COL3A1: variants seen among roughly 807,000 people sequenced by gnomAD.
COL3A1 encodes collagen alpha-1(III) chain.
A neutral mutation model predicts 200.9 loss-of-function variants in COL3A1; 46 were observed. The ratio of observed to expected loss-of-function variants is 0.23; its 90% CI spans 0.18 to 0.29. The LOEUF (loss-of-function observed/expected upper bound fraction) is 0.29, where lower values mean the gene tolerates loss of function less well. COL3A1 is among the 10% of genes least tolerant of loss of function. The probability of loss-of-function intolerance (pLI) is 1.00; values close to 1 mark genes in which losing one functional copy is unlikely to be tolerated. For missense variants in COL3A1, 1,367 were observed against 1,917.6 expected (o/e 0.71, Z 5.36); for synonymous variants, 650 against 628.0 (o/e 1.03, Z -0.52).
At chr2:188,999,760 A>G (rs1688414250) in intron 31 of COL3A1, 82 bp from the exon 32 acceptor site, 2 of 1,474,460 alleles carry the variant, frequency 1.4e-6, no homozygotes. Context: ...ATATCCCTAC[A>G]AATCCTGAGA....
chr2:189,009,911 A>C (rs1688682733), intron 48 of COL3A1, among the ~76,000 whole-genome samples: 1 of 152,224 alleles, frequency 6.6e-6, no homozygotes, highest in Admixed American at 6.5e-5. Context: ...AGACTTTTGC[A>C]AATATTATAC....
At position 188,989,439 on chromosome 2, in the gene COL3A1, C is replaced by A; in HGVS notation, c.680C>A (p.Ala227Asp). 6.2e-7 allele frequency: 1 copy of A among 1,607,106 alleles called. No homozygotes were observed. The highest frequency in any genetic ancestry group is 8.5e-7 in the Non-Finnish European group (1 of 1,176,518). ...GGTGCTATAGGTCCATCTGGTCCTG[C>A]TGGAAAAGATGTAAGTTTTTAAAAC... ...PPGAIGPSGP[A>D]GKDGESGRPG... Residue 227 changes from alanine (A) to aspartate (D), a missense_variant, in exon 8 of 51, where the codon GCT (alanine) becomes GAT (aspartate). By Grantham distance (126) the Ala-to-Asp change is moderately radical (BLOSUM62 -2). Transcript: ENST00000304636.
intron 11 of COL3A1, 24 bp downstream of exon 11, chr2:188,991,081 T>A: frequency 6.2e-7 from 1 of 1,604,274 alleles, no homozygotes. Flanking sequence ...AAAATCATAT[T>A]TTCATAAGTA....
At chr2:188,987,184 C>A (rs367704099) in intron 5 of COL3A1, 45 bp downstream of exon 5, 132 of 1,508,266 alleles carry the variant, frequency 8.8e-5, no homozygotes, top group Non-Finnish European at 1.2e-4. Context: ...TATTATCTTT[C>A]TGGTTTGTAA....
chr2:188,990,098 A>G lies in COL3A1; in HGVS notation c.693A>G (p.Gly231=), dbSNP rs771127647. The G allele has an allele frequency of 6.2e-7, 1 of 1,613,372 alleles. No homozygotes were observed. The highest frequency in any genetic ancestry group is 8.5e-7 in the Non-Finnish European group (1 of 1,179,476). The change falls in exon 9 of 51, where the codon GGA becomes GGG. Residue 231 remains glycine (G), a splice_region_variant and synonymous_variant. Coordinates refer to ENST00000304636, the MANE Select transcript of COL3A1 (RefSeq NM_000090.4). ...GTATTCTTTATTTCTCTACCTAGGG[A>G]GAATCAGGTAGACCCGGACGACCTG... is the stretch of plus-strand genomic sequence containing the variant. ...IGPSGPAGKD[G]ESGRPGRPGE...
At chr2:189,007,137 AT>A (rs1354459448) in intron 44 of COL3A1, 147 bp downstream of exon 44, 46 of 183,074 alleles carry the variant, frequency 2.5e-4, no homozygotes, top group African/African-American at 1.3e-3. Flanking sequence ...ATATATATAT[AT>A]ATTTGTTCTA....
chr2:188,997,148 G>T lies in COL3A1; in HGVS notation c.1762-17G>T. On this transcript the variant is annotated splice_polypyrimidine_tract_variant and intron_variant, in intron 24 of 50. Coordinates refer to ENST00000304636, the MANE Select transcript of COL3A1 (RefSeq NM_000090.4). ...TGCCCTTTGAGGATTAGTAAATACC[G>T]ACCACTTCTTCTTTAGGGTGCTCCT... 1 of 1,612,168 alleles carries T rather than the reference G, an allele frequency of 6.2e-7. No homozygotes were observed. Among genetic ancestry groups the T allele is most frequent in the South Asian group, 1.1e-5 (1 of 90,956 alleles).
chr2:189,003,812 T>C, intron 38 of COL3A1, 25 bp downstream of exon 38: 1 of 1,612,646 alleles, frequency 6.2e-7, no homozygotes, highest in Non-Finnish European at 8.5e-7. Flanking sequence ...AAGTCTTTTC[T>C]CATCATACAC....
chr2:189,008,026 C>A lies in COL3A1; in HGVS notation c.3418-9C>A. Reference sequence around the variant, plus strand: ...ATTCTGGCATTGTGATGTCATGATACTTTCTTAGGGACCTGTTGGACCCAG... The same window carrying A: ...ATTCTGGCATTGTGATGTCATGATAATTTCTTAGGGACCTGTTGGACCCAG... On this transcript the variant is annotated splice_polypyrimidine_tract_variant and intron_variant, in intron 46 of 50. Transcript: ENST00000304636. 6.2e-7 allele frequency: 1 copy of A among 1,614,106 alleles called. No individual in the cohort carries two copies. The highest frequency in any genetic ancestry group is 8.5e-7 in the Non-Finnish European group (1 of 1,179,990).
rs2153503401 is a variant in COL3A1 at position 189,003,175 on chromosome 2, TCTA to T, written c.2553+114_2553+116del. The T allele has an allele frequency of 7.5e-6, 7 of 927,884 alleles. No homozygotes were observed. The South Asian group carries it at 1.0e-4, about 13-fold the overall frequency. The allele number at this position is 927,884 out of a possible 1,614,324, so 57.5% of individuals were successfully genotyped here. A position where few individuals can be genotyped will look rare whatever the true frequency, so the allele number is the denominator to read the frequency against. On this transcript the variant is annotated intron_variant, in intron 36 of 50. Transcript: ENST00000304636. Reference sequence around the variant, plus strand: ...TCCCCCCTCTGTAAGTCCTAAGTGTTCTAATGGAAAAACATGGAGGTTTATCAG... The same window carrying T: ...TCCCCCCTCTGTAAGTCCTAAGTGTTATGGAAAAACATGGAGGTTTATCAG...
chr2:189,003,795 AT>A lies in COL3A1; in HGVS notation c.2661+10del. 1 of 1,613,898 alleles carries A rather than the reference AT, an allele frequency of 6.2e-7. No homozygotes were observed. Among genetic ancestry groups the A allele is most frequent in the African/African-American group, 1.3e-5 (1 of 75,016 alleles). ...GGTCCTCCTGGTAGTAATGTAAGTA[AT>A]TGTTAAAGTCTTTTCTCATCATACA... On this transcript the variant is annotated intron_variant, in intron 38 of 50. Coordinates refer to ENST00000304636, the MANE Select transcript of COL3A1 (RefSeq NM_000090.4).
At chr2:188,997,524 T>C (rs1003104655) in intron 26 of COL3A1, 135 bp downstream of exon 26, 1 of 1,165,998 alleles carries the variant, frequency 8.6e-7, no homozygotes, top group African/African-American at 1.5e-5. Flanking sequence ...GCTGACCTAG[T>C]TATCTAGCTA....
At chr2:188,974,685 TC>T in intron 1 of COL3A1, 117 bp downstream of exon 1, 1 of 816,036 alleles carries the variant, frequency 1.2e-6, no homozygotes, top group Non-Finnish European at 2.1e-6. Flanking sequence ...CTCTATAAGC[TC>T]CAGATTGTGA....
At chr2:189,007,848 A>T in intron 45 of COL3A1, 37 bp from the exon 46 acceptor site, 1 of 1,610,576 alleles carries the variant, frequency 6.2e-7, no homozygotes, top group Non-Finnish European at 8.5e-7. Flanking sequence ...GTGCTTTTTA[A>T]GGCCTTCACT....
At chr2:188,989,509 G>T (rs961385848) in intron 8 of COL3A1, 60 bp downstream of exon 8, 2 of 1,210,104 alleles carry the variant, frequency 1.7e-6, no homozygotes, top group Non-Finnish European at 2.4e-6. Context: ...ATTCTAAACA[G>T]TATATGCTTT....
rs954585346 is a variant in COL3A1 at position 188,987,147 on chromosome 2, C to T, written c.528+8C>T. The T allele has an allele frequency of 1.2e-6, 2 of 1,607,266 alleles. No homozygotes were observed. Among genetic ancestry groups the T allele is most frequent in the Non-Finnish European group, 1.7e-6 (2 of 1,174,202 alleles). ...GGCTATCCTGGACCAGCTGTACGTA[C>T]AAATGTTTCTCAGCATTTTGGAGCT... On this transcript the variant is annotated splice_region_variant and intron_variant, in intron 5 of 50. Coordinates refer to ENST00000304636, the MANE Select transcript of COL3A1 (RefSeq NM_000090.4).
chr2:188,995,842 C>A, intron 22 of COL3A1, 52 bp downstream of exon 22: 1 of 1,416,936 alleles, frequency 7.1e-7, no homozygotes, highest in Non-Finnish European at 9.8e-7. Flanking sequence ...AGAAGAAAGG[C>A]AAGACAAATG....
In COL3A1 at chr2:188,997,153, C is replaced by T. The variant is rs1439347201; in HGVS notation, c.1762-12C>T. 6.2e-7 allele frequency: 1 copy of T among 1,613,246 alleles called. No homozygotes were observed. Among genetic ancestry groups the T allele is most frequent in the East Asian group, 2.2e-5 (1 of 44,790 alleles). On this transcript the variant is annotated splice_polypyrimidine_tract_variant and intron_variant, in intron 24 of 50. Transcript: ENST00000304636. ...TTTGAGGATTAGTAAATACCGACCACTTCTTCTTTAGGGTGCTCCTGGTAA... is the reference window on the plus strand; with the variant it reads ...TTTGAGGATTAGTAAATACCGACCATTTCTTCTTTAGGGTGCTCCTGGTAA...
At chr2:189,005,497 G>T in intron 41 of COL3A1, 40 bp downstream of exon 41, 1 of 1,539,388 alleles carries the variant, frequency 6.5e-7, no homozygotes, top group South Asian at 1.1e-5. Context: ...GGTAGAATTT[G>T]ATAATTTATT....
Sources: allele counts gnomAD v4.1 joint callset (sites outside exome capture counted in the v4.1 genomes callset), GRCh38; gene constraint gnomAD v4.1.1; transcripts MANE v1.5; gene names NCBI Gene and HGNC (gene_info 2026-07-23, HGNC 2026-07-21).